Variants in GRIN2D observed in about 807,000 individuals in gnomAD.
The protein encoded by GRIN2D is glutamate ionotropic receptor NMDA type subunit 2D, also known as glutamate receptor ionotropic, NMDA 2D.
A neutral mutation model predicts 103.2 loss-of-function variants in GRIN2D; 37 were observed. The observed-to-expected ratio is 0.36, with a 90% CI of 0.28 to 0.47. GRIN2D has a LOEUF of 0.47. GRIN2D is among the 20% of genes least tolerant of loss of function. The pLI, the probability that GRIN2D is intolerant of heterozygous loss-of-function variation, is 1.00. For synonymous variants in GRIN2D, 845 were observed against 885.6 expected, an observed-to-expected ratio of 0.95 and a Z score of 0.81; for missense variants, 1,557 against 1,910.6, an observed-to-expected ratio of 0.81 and a Z score of 3.45.
rs1370026575 is a variant in GRIN2D at position 48,414,826 on chromosome 19, G to T, written c.1413-38G>T. 1.2e-5 allele frequency: 20 copies of T among 1,606,502 alleles called. No individual in the cohort carries two copies. Among genetic ancestry groups the T allele is most frequent in the Non-Finnish European group, 1.7e-5 (20 of 1,175,902 alleles). On this transcript the variant is annotated intron_variant, in intron 6 of 13. Coordinates refer to ENST00000263269, the MANE Select transcript of GRIN2D (RefSeq NM_000836.4). This position sits in a 1 kb window ranked among gnomAD's most constrained non-coding sequence, Gnocchi z 4.6. Reference sequence around the variant, plus strand: ...CTCTTCATGAGAGAGTCTAAGGAGGGGGTCCCCAAACTCCCCAAGCCTGGT... The same window carrying T: ...CTCTTCATGAGAGAGTCTAAGGAGGTGGTCCCCAAACTCCCCAAGCCTGGT...
Position 48,443,015 on chromosome 19 carries a change from C to A in GRIN2D, c.3089C>A (p.Pro1030Gln). 9.4e-7 allele frequency: 1 copy of A among 1,068,694 alleles called. No individual in the cohort carries two copies. Among genetic ancestry groups the A allele is most frequent in the Non-Finnish European group, 1.1e-6 (1 of 886,286 alleles). The allele number at this position is 1,068,694 out of a possible 1,614,324, so 66.2% of individuals were successfully genotyped here. A position where few individuals can be genotyped will look rare whatever the true frequency, so the allele number is the denominator to read the frequency against. Residue 1030 changes from proline to glutamine, a missense_variant, in exon 14 of 14, where the codon CCG (proline) becomes CAG (glutamine). Physicochemically the swap from Pro to Gln is moderately conservative, Grantham distance 76. Around this residue, in one of 7 missense-constraint regions of GRIN2D, gnomAD observed 632 missense variants for 572.8 expected, o/e 1.10. Coordinates refer to ENST00000263269, the MANE Select transcript of GRIN2D (RefSeq NM_000836.4). This position sits in a 1 kb window ranked among gnomAD's most constrained non-coding sequence, Gnocchi z 8.9. ...GGCGCCTTCCCCGGCTTCCCGTCGC[C>A]GCCCGCGCCCCCCGCCGCCGCGGCC... is the stretch of plus-strand genomic sequence containing the variant. ...PAGAFPGFPS[P>Q]PAPPAAAATA...
Position 48,419,357 on chromosome 19 carries a change from A to G in GRIN2D, c.1859A>G (p.Lys620Arg), listed in dbSNP as rs2147455470. 2 of 1,600,916 alleles carry G rather than the reference A, an allele frequency of 1.2e-6. No homozygotes were observed. The highest frequency in any genetic ancestry group is 1.7e-6 in the Non-Finnish European group (2 of 1,177,792). Residue 620 changes from lysine to arginine, a missense_variant and splice_region_variant, in exon 9 of 14, where the codon AAG (lysine) becomes AGG (arginine). Around this residue, in one of 7 missense-constraint regions of GRIN2D, gnomAD observed 197 missense variants for 334.1 expected, o/e 0.59. Transcript: ENST00000263269. ...TACAACCGCAGCCTGGCCACGGGCAAGCGTGAGTCCCCCTTCCTCCATCCC... is the reference window on the plus strand; with the variant it reads ...TACAACCGCAGCCTGGCCACGGGCAGGCGTGAGTCCCCCTTCCTCCATCCC... Reference protein sequence around the residue: ...VGYNRSLATGKRPGGSTFTIG... With the variant: ...VGYNRSLATGRRPGGSTFTIG...
chr19:48,415,909 T>C, intron 7 of GRIN2D, 93 bp from the exon 8 acceptor site: 1 of 1,143,466 alleles, frequency 8.7e-7, no homozygotes. Context: ...CTGTCACTGG[T>C]CTGCTCCCGG....
At chr19:48,437,792 G>C (rs568439170) in intron 11 of GRIN2D, among the ~76,000 whole-genome samples, 2 of 152,236 alleles carry the variant, frequency 1.3e-5, no homozygotes, top group South Asian at 4.2e-4. Context: ...GAAACGTAGG[G>C]AAAAATTACA....
rs1971029536 is a variant in GRIN2D at position 48,421,913 on chromosome 19, C to A, written c.2220C>A (p.Arg740=). ...ACATGGTGCGCTACAACCAGCCCCG[C>A]GTAGAGGAAGCGCTCACTCAGCTCA... The part of the protein sequence containing the change: ...HSYMVRYNQP[R]VEEALTQLKA... The change falls in exon 11 of 14, where the codon CGC becomes CGA. Residue 740 remains arginine (R), a synonymous_variant. Transcript: ENST00000263269. The surrounding 1 kb of genome is among the most constrained non-coding windows in gnomAD (Gnocchi z 4.8). 6.2e-7 allele frequency: 1 copy of A among 1,613,948 alleles called. No individual in the cohort carries two copies. Among genetic ancestry groups the A allele is most frequent in the South Asian group, 1.1e-5 (1 of 91,068 alleles).
At position 48,442,972 on chromosome 19, in the gene GRIN2D, C is replaced by A; in HGVS notation, c.3046C>A (p.Pro1016Thr). Residue 1016 changes from proline to threonine, a missense_variant, in exon 14 of 14, where the codon CCA becomes ACA. Physicochemically the swap from Pro to Thr is conservative, Grantham distance 38 (BLOSUM62 -1). Transcript: ENST00000263269. The surrounding 1 kb of genome is among the most constrained non-coding windows in gnomAD (Gnocchi z 7.2). Reference protein sequence around the residue: ...SYFAIVRDKEPAEPPAGAFPG... With the variant: ...SYFAIVRDKETAEPPAGAFPG... The stretch of plus-strand genomic sequence containing the variant: ...TTTCGCCATCGTACGCGACAAGGAG[C>A]CAGCCGAGCCCCCCGCCGGCGCCTT... 8.9e-7 allele frequency: 1 copy of A among 1,123,668 alleles called. No homozygotes were observed. The highest frequency in any genetic ancestry group is 1.1e-6 in the Non-Finnish European group (1 of 911,080). The allele number at this position is 1,123,668 out of a possible 1,614,324, so 69.6% of individuals were successfully genotyped here. A position where few individuals can be genotyped will look rare whatever the true frequency, so the allele number is the denominator to read the frequency against.
chr19:48,404,604 G>A, intron 3 of GRIN2D, 130 bp from the exon 4 acceptor site: 2 of 854,494 alleles, frequency 2.3e-6, no homozygotes, highest in Non-Finnish European at 1.8e-6. Context: ...TGCCCCAGGA[G>A]GAAAAGGAGA....
intron 11 of GRIN2D, among the ~76,000 whole-genome samples, chr19:48,427,757 A>G (rs563164255): frequency 2.0e-5 from 3 of 152,218 alleles, no homozygotes; most frequent in African/African-American, 4.8e-5. Context: ...CTGGGATTAC[A>G]GGCGTGAGCC....
rs972061221 is a variant in GRIN2D at position 48,405,898 on chromosome 19, G to A, written c.1085+545G>A. Reference sequence around the variant, plus strand: ...GTTACTCTGGCATCTCTGCATGGTCGAAGTGGGTCGTGGGGATGTCTGAAT... The same window carrying A: ...GTTACTCTGGCATCTCTGCATGGTCAAAGTGGGTCGTGGGGATGTCTGAAT... On this transcript the variant is annotated intron_variant, in intron 4 of 13. Coordinates refer to ENST00000263269, the MANE Select transcript of GRIN2D (RefSeq NM_000836.4). The surrounding 1 kb of genome is among the most constrained non-coding windows in gnomAD (Gnocchi z 5.1). Among the ~76,000 whole-genome samples, 2 of 152,142 alleles carry A rather than the reference G, an allele frequency of 1.3e-5. No homozygotes were observed. The highest frequency in any genetic ancestry group is 2.4e-5 in the African/African-American group (1 of 41,424).
chr19:48,421,457 G>A lies in GRIN2D; in HGVS notation c.2092-328G>A, dbSNP rs967509362. ...AAAAAAAAGTGAACTATTTCTGAAC[G>A]GATTGGTAAATAGCAACAGCTCCCA... On this transcript the variant is annotated intron_variant, in intron 10 of 13. Transcript: ENST00000263269. This position sits in a 1 kb window ranked among gnomAD's most constrained non-coding sequence, Gnocchi z 4.8. 6.6e-6 allele frequency among the ~76,000 whole-genome samples: 1 copy of A among 151,562 alleles called. No homozygotes were observed. Among genetic ancestry groups the A allele is most frequent in the Admixed American group, 6.6e-5 (1 of 15,206 alleles).
rs1970918245 is a variant in GRIN2D, at chr19:48,414,545, A to G, written c.1373A>G (p.Asp458Gly). 6.4e-7 allele frequency: 1 copy of G among 1,554,754 alleles called. No individual in the cohort carries two copies. The highest frequency in any genetic ancestry group is 8.7e-7 in the Non-Finnish European group (1 of 1,149,852). Residue 458 changes from aspartate (D) to glycine (G), a missense_variant, in exon 6 of 14, where the codon GAC (aspartate) becomes GGC (glycine). This residue lies in a region of GRIN2D where 197 missense variants were observed against 334.1 expected (regional missense o/e 0.59). Transcript: ENST00000263269. The surrounding 1 kb of genome is among the most constrained non-coding windows in gnomAD (Gnocchi z 4.6). ...ADPISGTCIRDSVPCRSQLNR... is the reference protein window; with the variant it reads ...ADPISGTCIRGSVPCRSQLNR... ...CCTATCAGCGGCACCTGCATCCGAG[A>G]CTCCGTCCCCTGCCGGAGCCAGCTC...
At chr19:48,397,838 T>C (rs1049553180) in intron 2 of GRIN2D, among the ~76,000 whole-genome samples, 11 of 151,622 alleles carry the variant, frequency 7.3e-5, no homozygotes, top group African/African-American at 2.7e-4. Context: ...ACCTTGTCTA[T>C]CTTCCTCTCT....
chr19:48,434,240 G>A (rs1372177183), intron 11 of GRIN2D, among the ~76,000 whole-genome samples: 2 of 148,948 alleles, frequency 1.3e-5, no homozygotes, highest in Non-Finnish European at 3.0e-5. Flanking sequence ...ACAAGCCACC[G>A]CGCCTGGCGG....
intron 3 of GRIN2D, among the ~76,000 whole-genome samples, chr19:48,401,907 C>T (rs145825762): frequency 6.6e-6 from 1 of 152,168 alleles, no homozygotes; most frequent in Non-Finnish European, 1.5e-5. Flanking sequence ...TTGATACCAG[C>T]CTGGCCAACA....
At position 48,398,752 on chromosome 19, in the gene GRIN2D, C is replaced by T. The variant is rs1754846333; in HGVS notation, c.360C>T (p.Asp120=). ...TGCACGGCGTGGTCTTCGAAGACGA[C>T]TCGCGCGCGCCCGCCGTCGCGCCCA... is the stretch of plus-strand genomic sequence containing the variant. The part of the protein sequence containing the change: ...LRVHGVVFED[D]SRAPAVAPIL... The change falls in exon 3 of 14, where the codon GAC becomes GAT. Residue 120 remains aspartate (D), a synonymous_variant. Coordinates refer to ENST00000263269, the MANE Select transcript of GRIN2D (RefSeq NM_000836.4). The T allele has an allele frequency of 6.8e-7, 1 of 1,465,196 alleles. No individual in the cohort carries two copies. Among genetic ancestry groups the T allele is most frequent in the East Asian group, 3.0e-5 (1 of 33,422 alleles). 90.8% of individuals were successfully genotyped at this position (1,465,196 alleles called of 1,614,324 possible).
intron 11 of GRIN2D, 102 bp downstream of exon 11, chr19:48,422,047 T>G: frequency 8.1e-7 from 1 of 1,240,378 alleles, no homozygotes. Context: ...GTCCCAGAGG[T>G]CAGCCCTGGG....
At chr19:48,416,292 C>T (rs1015347417) in intron 8 of GRIN2D, 137 bp downstream of exon 8, 33 of 664,190 alleles carry the variant, frequency 5.0e-5, no homozygotes, top group African/African-American at 4.9e-4. Context: ...GGTGAAGTGA[C>T]ATCATTTCTG....
At chr19:48,409,270 A>ATTTC (rs1304602574) in intron 4 of GRIN2D, among the ~76,000 whole-genome samples, 1 of 139,782 alleles carries the variant, frequency 7.2e-6, no homozygotes, top group Non-Finnish European at 1.5e-5. Flanking sequence ...TGGCAATTAA[A>ATTTC]TTTCTTTTTT....
Position 48,394,818 on chromosome 19 carries a change from C to A in GRIN2D, c.-145C>A. ...GCCGCCACCACCACTGCCGCCGCCCCGGGGCCTGCCCCCCGACATCGGCTC... is the reference window on the plus strand; with the variant it reads ...GCCGCCACCACCACTGCCGCCGCCCAGGGGCCTGCCCCCCGACATCGGCTC... On this transcript the variant is annotated 5_prime_UTR_variant, in exon 2 of 14. Coordinates refer to ENST00000263269, the MANE Select transcript of GRIN2D (RefSeq NM_000836.4). The surrounding 1 kb of genome is among the most constrained non-coding windows in gnomAD (Gnocchi z 5.1). The A allele has an allele frequency of 6.4e-6, 1 of 155,494 alleles. No homozygotes were observed. The highest frequency in any genetic ancestry group is 1.4e-5 in the Non-Finnish European group (1 of 70,226). 9.6% of individuals were successfully genotyped at this position (155,494 alleles called of 1,614,324 possible).
Sources: allele counts gnomAD v4.1 joint callset (sites outside exome capture counted in the v4.1 genomes callset), GRCh38; gene constraint gnomAD v4.1.1; regional missense constraint gnomAD v4.1.1; non-coding constraint Gnocchi (gnomAD v3.1); transcripts MANE v1.5; gene names NCBI Gene and HGNC (gene_info 2026-07-23, HGNC 2026-07-21).